The following DLG1 variants were observed in gnomAD, a reference collection of about 807,000 sequenced individuals.
DLG1 encodes the protein discs large MAGUK scaffold protein 1.
DLG1 carries 42 observed loss-of-function variants against 123.4 expected under a neutral mutation model. That is an observed-to-expected ratio of 0.34 (90% confidence interval 0.27 to 0.44). The LOEUF (loss-of-function observed/expected upper bound fraction) is 0.44, where lower values mean the gene tolerates loss of function less well. DLG1 is among the 20% of genes least tolerant of loss of function. The probability of loss-of-function intolerance (pLI) is 1.00; values close to 1 mark genes in which losing one functional copy is unlikely to be tolerated. For synonymous variants in DLG1, 317 were observed against 356.2 expected (o/e 0.89, Z 1.24); for missense variants, 942 against 1,082.6 (o/e 0.87, Z 1.82).
At position 197,115,978 on chromosome 3, in the gene DLG1, T is replaced by G; in HGVS notation, c.1392A>C (p.Gly464=). The G allele has an allele frequency of 6.2e-7, 1 of 1,613,270 alleles. No individual in the cohort carries two copies. The highest frequency in any genetic ancestry group is 8.5e-7 in the Non-Finnish European group (1 of 1,179,686). Residue 464 remains glycine (G), a synonymous_variant, in exon 13 of 25, where the codon GGA becomes GGC. Transcript: ENST00000667157. ...GCTCTCCACTTAGATCAGCAGGTCCTCCGGCTAAGATAAAGGAAATAAATA... is the reference window on the plus strand; with the variant it reads ...GCTCTCCACTTAGATCAGCAGGTCCGCCGGCTAAGATAAAGGAAATAAATA... ...EGIFISFILA[G]GPADLSGELR... is the part of the protein sequence containing the mutation.
At chr3:197,212,686 C>G (rs1165557313) in intron 4 of DLG1, among the ~76,000 whole-genome samples, 1 of 152,166 alleles carries the variant, frequency 6.6e-6, no homozygotes, top group Non-Finnish European at 1.5e-5. Flanking sequence ...ATAGCCCATC[C>G]CAATAATCTC....
At chr3:197,244,654 T>C (rs771762714) in intron 4 of DLG1, among the ~76,000 whole-genome samples, 2 of 152,036 alleles carry the variant, frequency 1.3e-5, no homozygotes, top group Non-Finnish European at 2.9e-5. Flanking sequence ...GCGCATGACT[T>C]TGAAGATGGC....
At chr3:197,118,128 T>C (rs1774319982) in intron 12 of DLG1, among the ~76,000 whole-genome samples, 1 of 152,196 alleles carries the variant, frequency 6.6e-6, no homozygotes, top group Non-Finnish European at 1.5e-5. Flanking sequence ...TCCAATGCAA[T>C]ATTCTAGACA....
At chr3:197,194,328 G>T in intron 5 of DLG1, 97 bp downstream of exon 5, 2 of 771,250 alleles carry the variant, frequency 2.6e-6, no homozygotes, top group Non-Finnish European at 3.7e-6. Context: ...GGGGTAGGGC[G>T]AACCTACATG....
intron 4 of DLG1, among the ~76,000 whole-genome samples, chr3:197,234,378 G>A (rs1173239731): frequency 6.6e-6 from 1 of 152,094 alleles, no homozygotes; most frequent in East Asian, 1.9e-4. Context: ...ATAAAACAAG[G>A]ACAAAACATT....
At chr3:197,090,724 AATT>A (rs1386193518) in intron 15 of DLG1, among the ~76,000 whole-genome samples, 185 bp downstream of exon 15, 1 of 152,134 alleles carries the variant, frequency 6.6e-6, no homozygotes, top group Non-Finnish European at 1.5e-5. Context: ...TCATTAATAA[AATT>A]ATTAATACAA....
intron 4 of DLG1, among the ~76,000 whole-genome samples, chr3:197,278,112 C>A (rs1048868972): frequency 2.0e-5 from 3 of 151,282 alleles, no homozygotes; most frequent in African/African-American, 7.3e-5. Flanking sequence ...TGGTGAAACC[C>A]CATCTCTACA....
At chr3:197,268,619 A>AT (rs1247242010) in intron 4 of DLG1, among the ~76,000 whole-genome samples, 2 of 151,664 alleles carry the variant, frequency 1.3e-5, no homozygotes, top group African/African-American at 4.8e-5. Context: ...GGGTCTCCCT[A>AT]TGCTGCCCAG....
At chr3:197,204,950 T>C (rs7649443) in intron 4 of DLG1, among the ~76,000 whole-genome samples, 36,753 of 151,900 alleles carry the variant, frequency 0.24, 5,617 homozygotes, top group East Asian at 0.71. Context: ...CGCCAAAAGG[T>C]TAAGGGCCAA....
intron 22 of DLG1, among the ~76,000 whole-genome samples, chr3:197,064,581 T>C (rs1220908387): frequency 6.8e-6 from 1 of 147,234 alleles, no homozygotes; most frequent in Admixed American, 6.8e-5. Context: ...GAACTATATA[T>C]TCTGATCTTT....
chr3:197,149,090 G>T (rs987345354), intron 6 of DLG1, among the ~76,000 whole-genome samples: 2 of 152,134 alleles, frequency 1.3e-5, no homozygotes, highest in East Asian at 1.9e-4. Flanking sequence ...CCTTTTTAAA[G>T]TATGCAATTC....
At chr3:197,084,769 T>C (rs1488252683) in intron 16 of DLG1, among the ~76,000 whole-genome samples, 1 of 151,552 alleles carries the variant, frequency 6.6e-6, no homozygotes, top group East Asian at 1.9e-4. Flanking sequence ...GTATATTTTA[T>C]ATATATAGAT....
intron 5 of DLG1, among the ~76,000 whole-genome samples, chr3:197,167,382 G>C: frequency 6.6e-6 from 1 of 152,148 alleles, no homozygotes; most frequent in East Asian, 1.9e-4. Flanking sequence ...TCATACAAAA[G>C]TGTCTCCTTT....
chr3:197,113,494 TTATA>T (rs1018506800), intron 13 of DLG1, among the ~76,000 whole-genome samples: 1 of 152,196 alleles, frequency 6.6e-6, no homozygotes, highest in African/African-American at 2.4e-5. Flanking sequence ...CTCGCTGCTT[TTATA>T]ATTATGAAAT....
At chr3:197,269,996 AT>A (rs1264117969) in intron 4 of DLG1, among the ~76,000 whole-genome samples, 1 of 152,172 alleles carries the variant, frequency 6.6e-6, no homozygotes, top group Non-Finnish European at 1.5e-5. Context: ...TATTTCTCAA[AT>A]TTTATTTTAC....
intron 6 of DLG1, among the ~76,000 whole-genome samples, chr3:197,143,471 TG>T (rs1259985545): frequency 3.9e-5 from 6 of 152,140 alleles, no homozygotes; most frequent in African/African-American, 9.7e-5. Flanking sequence ...TTAGCCAGGA[TG>T]GTCTCGATCT....
intron 10 of DLG1, among the ~76,000 whole-genome samples, chr3:197,134,004 C>A (rs79245339): frequency 0.043 from 6,492 of 152,192 alleles, 186 homozygotes; most frequent in Non-Finnish European, 0.054. Flanking sequence ...CTCCTACCAC[C>A]AAAGCCAGTT....
intron 14 of DLG1, among the ~76,000 whole-genome samples, chr3:197,103,039 G>A (rs1488277629): frequency 6.6e-6 from 1 of 152,152 alleles, no homozygotes; most frequent in Non-Finnish European, 1.5e-5. Flanking sequence ...CGGGTCCTCT[G>A]CTTTTCTAAA....
At chr3:197,075,317 CAAAAAAA>C (rs58384491) in intron 18 of DLG1, among the ~76,000 whole-genome samples, 6 of 90,296 alleles carry the variant, frequency 6.6e-5, no homozygotes, top group African/African-American at 2.4e-4. Flanking sequence ...ATAACTTTCT[CAAAAAAA>C]AAAAAAAAAA....
Sources: gnomAD v4.1 joint callset for allele counts (sites outside exome capture counted in the v4.1 genomes callset) on GRCh38, gnomAD v4.1.1 for gene constraint, MANE v1.5 for transcripts, NCBI Gene and HGNC (gene_info 2026-07-23, HGNC 2026-07-21) for gene names.